REXO5: variants seen among roughly 807,000 people sequenced by gnomAD.
REXO5 encodes the protein exonuclease NEF-sp.
REXO5 carries 48 observed loss-of-function variants against 88.5 expected under a neutral mutation model. The observed-to-expected ratio is 0.54, with a 90% CI of 0.43 to 0.69. REXO5 has a LOEUF of 0.69. Among genes scored for constraint, REXO5 ranks in the 30% least tolerant of loss-of-function variants. REXO5 has a pLI of 0.00. For synonymous variants in REXO5, 311 were observed against 336.5 expected, an observed-to-expected ratio of 0.92 and a Z score of 0.83; for missense variants, 749 against 912.2, an observed-to-expected ratio of 0.82 and a Z score of 2.30.
intron 19 of REXO5, among the ~76,000 whole-genome samples, chr16:20,846,654 A>G (rs181752395): frequency 1.3e-5 from 2 of 152,318 alleles, no homozygotes; most frequent in African/African-American, 2.4e-5. Context: ...GTCTCAGAAC[A>G]AGCCCTAGGC....
intron 13 of REXO5, among the ~76,000 whole-genome samples, chr16:20,835,499 G>A (rs1184665762): frequency 1.3e-5 from 2 of 151,986 alleles, no homozygotes; most frequent in Admixed American, 1.3e-4. Flanking sequence ...CCTTGACCTC[G>A]CATAGTTTAC....
intron 5 of REXO5, chr16:20,821,156 T>C (rs1449508140): frequency 6.6e-6 from 1 of 152,242 alleles, no homozygotes; most frequent in Admixed American, 6.5e-5. Context: ...ATACCAACTA[T>C]CTGAATTCTG....
chr16:20,837,729 C>T (rs1217209556), intron 13 of REXO5, among the ~76,000 whole-genome samples: 2 of 151,730 alleles, frequency 1.3e-5, no homozygotes, highest in Non-Finnish European at 2.9e-5. Context: ...GAATAATTTT[C>T]ATCAGCTGAA....
intron 11 of REXO5, 85 bp from the exon 12 acceptor site, chr16:20,832,071 G>T: frequency 2.1e-6 from 2 of 939,728 alleles, no homozygotes; most frequent in Admixed American, 2.5e-5. Context: ...TTTGCTTTTT[G>T]TTGTTGTTGC....
At position 20,825,830 on chromosome 16, in the gene REXO5, C is replaced by T. The variant is rs938948763; in HGVS notation, c.706-3C>T. 9 of 1,609,042 alleles carry T rather than the reference C, an allele frequency of 5.6e-6. No homozygotes were observed. In the African/African-American group the frequency reaches 9.4e-5, roughly 17 times the overall value. ...GCAGCCTGACTACATGTTGGTCTTT[C>T]AGTGCCTCACATCCAAGGGGAGAGA... On this transcript the variant is annotated splice_region_variant and splice_polypyrimidine_tract_variant and intron_variant, in intron 7 of 19. Transcript: ENST00000261377.
intron 13 of REXO5, among the ~76,000 whole-genome samples, chr16:20,836,530 T>G (rs898495675): frequency 6.6e-6 from 1 of 152,234 alleles, no homozygotes; most frequent in Non-Finnish European, 1.5e-5. Flanking sequence ...ATTCACCTGC[T>G]GATAGACATC....
chr16:20,823,475 C>T (rs953557768), intron 6 of REXO5: 2 of 152,248 alleles, frequency 1.3e-5, no homozygotes, highest in East Asian at 1.9e-4. Context: ...ACTACTGTCA[C>T]ATGAGCACGT....
chr16:20,844,749 C>G lies in REXO5; in HGVS notation c.1840C>G (p.Gln614Glu). Residue 614 changes from glutamine (Q) to glutamate (E), a missense_variant, in exon 17 of 20, where the codon CAG becomes GAG. Gln to Glu is a conservative substitution (Grantham distance 29). Coordinates refer to ENST00000261377, the MANE Select transcript of REXO5 (RefSeq NM_030941.3). The part of the protein sequence containing the change: ...LSGVSETFKE[Q>E]LLQEPRLFLG... The stretch of plus-strand genomic sequence containing the variant: ...TGGAGTGAGTGAAACCTTCAAAGAA[C>G]AGCTATTGCAGGAGCCCCGCCTCTT... 1 of 1,614,150 alleles carries G rather than the reference C, an allele frequency of 6.2e-7. No individual in the cohort carries two copies. Among genetic ancestry groups the G allele is most frequent in the Non-Finnish European group, 8.5e-7 (1 of 1,179,998 alleles).
intron 6 of REXO5, among the ~76,000 whole-genome samples, chr16:20,822,512 A>C (rs2081199985): frequency 6.6e-6 from 1 of 152,252 alleles, no homozygotes; most frequent in Non-Finnish European, 1.5e-5. Context: ...AGAGTTGTAC[A>C]GCCATCACCA....
chr16:20,827,549 C>G (rs2081278157), intron 10 of REXO5, 102 bp downstream of exon 10: 3 of 822,440 alleles, frequency 3.6e-6, no homozygotes, highest in South Asian at 3.3e-5. Flanking sequence ...GGTTTCTGCT[C>G]TCTTTGCTTT....
At chr16:20,822,226 T>G (rs375205562) in intron 6 of REXO5, among the ~76,000 whole-genome samples, 38 of 152,362 alleles carry the variant, frequency 2.5e-4, no homozygotes, top group African/African-American at 8.2e-4. Flanking sequence ...ACAGTCAGTA[T>G]GTCTTTAACA....
At chr16:20,849,291 C>T (rs2081656302) in intron 19 of REXO5, 108 bp from the exon 20 acceptor site, 2 of 1,047,794 alleles carry the variant, frequency 1.9e-6, no homozygotes, top group Non-Finnish European at 2.8e-6. Flanking sequence ...TGCCCTTGCC[C>T]CATGGCACAC....
intron 5 of REXO5, among the ~76,000 whole-genome samples, chr16:20,820,554 T>A (rs1596578776): frequency 3.4e-4 from 20 of 59,348 alleles, no homozygotes; most frequent in East Asian, 4.9e-4. Context: ...ATTTTTTTTT[T>A]TTTTTTTTTT....
At chr16:20,812,632 C>T (rs556464814) in intron 2 of REXO5, among the ~76,000 whole-genome samples, 18 of 152,298 alleles carry the variant, frequency 1.2e-4, no homozygotes, top group Non-Finnish European at 2.2e-4. Flanking sequence ...GCTTAGGCCG[C>T]ATTGATCTAT....
chr16:20,816,157 T>C lies in REXO5; in HGVS notation c.420T>C (p.Asp140=). ...CACCATCATCTGATTTTCTAGCTGATGTTGTTGGGCTACAAACTGAACAAA... is the reference window on the plus strand; with the variant it reads ...CACCATCATCTGATTTTCTAGCTGACGTTGTTGGGCTACAAACTGAACAAA... The part of the protein sequence containing the change: ...LPPPSSDFLA[D]VVGLQTEQRA... Residue 140 remains aspartate (D), a synonymous_variant, in exon 5 of 20, where the codon GAT becomes GAC. Coordinates refer to ENST00000261377, the MANE Select transcript of REXO5 (RefSeq NM_030941.3). 3.1e-6 allele frequency: 5 copies of C among 1,614,142 alleles called. No homozygotes were observed. Among genetic ancestry groups the C allele is most frequent in the Non-Finnish European group, 4.2e-6 (5 of 1,180,018 alleles).
intron 1 of REXO5, 108 bp downstream of exon 1, chr16:20,806,813 G>C (rs1230793008): frequency 7.5e-7 from 1 of 1,335,998 alleles, no homozygotes; most frequent in Non-Finnish European, 1.0e-6. Context: ...AACGGGGATA[G>C]TTCGGTAAAC....
intron 13 of REXO5, among the ~76,000 whole-genome samples, chr16:20,838,018 T>C (rs560283299): frequency 6.6e-4 from 101 of 152,286 alleles, no homozygotes; most frequent in African/African-American, 2.4e-3. Context: ...CTTCCCACCT[T>C]GGCTTCCCAA....
At chr16:20,811,483 C>G (rs905777525) in intron 2 of REXO5, among the ~76,000 whole-genome samples, 9 of 152,020 alleles carry the variant, frequency 5.9e-5, no homozygotes, top group Non-Finnish European at 4.4e-5. Context: ...GACTATTATT[C>G]AAGTATTAAA....
At chr16:20,813,349 T>C (rs761960997) in intron 3 of REXO5, 47 bp downstream of exon 3, 955 of 792,554 alleles carry the variant, frequency 1.2e-3, no homozygotes, top group Non-Finnish European at 1.4e-3. Flanking sequence ...GGTTTCTTTT[T>C]TTTTTTTTTT....
Sources: gnomAD v4.1 joint callset for allele counts (sites outside exome capture counted in the v4.1 genomes callset) on GRCh38, gnomAD v4.1.1 for gene constraint, MANE v1.5 for transcripts, NCBI Gene and HGNC (gene_info 2026-07-23, HGNC 2026-07-21) for gene names.